PTPRM: variants seen among roughly 807,000 people sequenced by gnomAD.
The protein encoded by PTPRM is receptor-type tyrosine-protein phosphatase mu.
Under a neutral mutation model 186.7 loss-of-function variants are expected in PTPRM, and 47 were observed. That is an observed-to-expected ratio of 0.25 (90% CI 0.20 to 0.32). PTPRM has a LOEUF of 0.32. PTPRM is among the 10% of genes least tolerant of loss of function. The probability of loss-of-function intolerance (pLI) is 1.00; values close to 1 mark genes in which losing one functional copy is unlikely to be tolerated. For synonymous variants in PTPRM, 668 were observed against 674.9 expected (o/e 0.99, Z 0.16); for missense variants, 1,494 against 1,865.0 (o/e 0.80, Z 3.66).
At chr18:8,312,537 G>T (rs567063360) in intron 20 of PTPRM, among the ~76,000 whole-genome samples, 1 of 151,960 alleles carries the variant, frequency 6.6e-6, no homozygotes, top group Non-Finnish European at 1.5e-5. Context: ...TCTATCCATC[G>T]CTTCCTATAT....
At chr18:8,279,081 AATATAT>A (rs1221319350) in intron 19 of PTPRM, among the ~76,000 whole-genome samples, 2 of 151,022 alleles carry the variant, frequency 1.3e-5, no homozygotes, top group Non-Finnish European at 3.0e-5. Flanking sequence ...GTATAATACA[AATATAT>A]ATATATATAA....
chr18:8,307,474 A>G (rs1179931806), intron 20 of PTPRM, among the ~76,000 whole-genome samples: 1 of 152,214 alleles, frequency 6.6e-6, no homozygotes, highest in Non-Finnish European at 1.5e-5. Context: ...AAAATACTTC[A>G]TAAACTACAT....
At chr18:8,141,590 G>A (rs183699247) in intron 13 of PTPRM, among the ~76,000 whole-genome samples, 141 of 152,300 alleles carry the variant, frequency 9.3e-4, no homozygotes, top group Admixed American at 2.2e-3. Context: ...CACAATGTAT[G>A]CATTACATGT....
chr18:7,857,756 C>A (rs562681182), intron 2 of PTPRM, among the ~76,000 whole-genome samples: 117 of 152,266 alleles, frequency 7.7e-4, no homozygotes, highest in African/African-American at 2.7e-3. Flanking sequence ...GCTGTTTGTA[C>A]AGCCAACTTT....
chr18:8,051,345 A>G (rs1228596886), intron 7 of PTPRM, among the ~76,000 whole-genome samples: 1 of 152,252 alleles, frequency 6.6e-6, no homozygotes, highest in Non-Finnish European at 1.5e-5. Context: ...CGTAACCTAC[A>G]TAAATTGTGC....
At chr18:8,089,769 A>C (rs1226903754) in intron 11 of PTPRM, among the ~76,000 whole-genome samples, 2 of 152,176 alleles carry the variant, frequency 1.3e-5, no homozygotes, top group Non-Finnish European at 2.9e-5. Context: ...TCACTGCAGT[A>C]TCATAAGGCA....
At chr18:7,853,070 A>G (rs914825954) in intron 2 of PTPRM, among the ~76,000 whole-genome samples, 1 of 152,202 alleles carries the variant, frequency 6.6e-6, no homozygotes, top group Non-Finnish European at 1.5e-5. Context: ...CATAATCTCA[A>G]ATATGTAAAA....
At chr18:8,117,479 T>C (rs2091999877) in intron 13 of PTPRM, among the ~76,000 whole-genome samples, 1 of 152,188 alleles carries the variant, frequency 6.6e-6, no homozygotes, top group Non-Finnish European at 1.5e-5. Context: ...TAAGGGTATG[T>C]CTCTTAAAAA....
chr18:8,385,110 T>C (rs538427015), intron 30 of PTPRM, among the ~76,000 whole-genome samples: 1 of 152,274 alleles, frequency 6.6e-6, no homozygotes, highest in South Asian at 2.1e-4. Flanking sequence ...AACAGGATTC[T>C]GGCTGAAGGC....
At chr18:8,365,983 C>G (rs2095626656) in intron 23 of PTPRM, among the ~76,000 whole-genome samples, 1 of 152,166 alleles carries the variant, frequency 6.6e-6, no homozygotes, top group African/African-American at 2.4e-5. Flanking sequence ...TTCAGAATGG[C>G]CTGGGGAGAG....
chr18:8,198,844 C>T (rs1322380477), intron 14 of PTPRM, among the ~76,000 whole-genome samples: 1 of 152,120 alleles, frequency 6.6e-6, no homozygotes, highest in East Asian at 1.9e-4. Context: ...TAAATGAAAT[C>T]ACTCAGTCAT....
At chr18:7,906,686 A>G (rs1022951014) in intron 4 of PTPRM, 103 bp downstream of exon 4, 5 of 937,870 alleles carry the variant, frequency 5.3e-6, no homozygotes, top group Non-Finnish European at 8.6e-6. Context: ...TCATCTTGCC[A>G]AGACAGTTCC....
At chr18:8,139,350 C>T (rs900065482) in intron 13 of PTPRM, among the ~76,000 whole-genome samples, 1 of 152,164 alleles carries the variant, frequency 6.6e-6, no homozygotes, top group African/African-American at 2.4e-5. Flanking sequence ...TGGCATCTTG[C>T]CACCTGCACT....
At chr18:8,139,646 A>C (rs2092718396) in intron 13 of PTPRM, among the ~76,000 whole-genome samples, 1 of 151,986 alleles carries the variant, frequency 6.6e-6, no homozygotes, top group African/African-American at 2.4e-5. Flanking sequence ...TCAGTATTTC[A>C]GTCTCATTTG....
At chr18:7,611,745 A>C (rs1343810897) in intron 1 of PTPRM, among the ~76,000 whole-genome samples, 1 of 152,156 alleles carries the variant, frequency 6.6e-6, no homozygotes, top group Non-Finnish European at 1.5e-5. Context: ...TGGTCTTATG[A>C]GGGAGAGTTT....
chr18:8,144,332 G>A (rs1747364928), intron 14 of PTPRM, among the ~76,000 whole-genome samples: 1 of 152,176 alleles, frequency 6.6e-6, no homozygotes, highest in African/African-American at 2.4e-5. Context: ...CAAGTGGTGT[G>A]GCTGGGCACC....
At chr18:7,756,412 A>G (rs1326398254) in intron 1 of PTPRM, among the ~76,000 whole-genome samples, 1 of 152,126 alleles carries the variant, frequency 6.6e-6, no homozygotes, top group Non-Finnish European at 1.5e-5. Flanking sequence ...TCTGGGAGCA[A>G]ATTTTCTCGG....
chr18:7,616,610 T>C (rs2037811331), intron 1 of PTPRM, among the ~76,000 whole-genome samples: 1 of 152,174 alleles, frequency 6.6e-6, no homozygotes, highest in Non-Finnish European at 1.5e-5. Context: ...ACTGGGTCCA[T>C]TCCCCACTAC....
Position 7,974,961 on chromosome 18 carries a change from C to G in PTPRM, c.1132+19547C>G, listed in dbSNP as rs138739498. On this transcript the variant is annotated intron_variant, in intron 7 of 32. Transcript: ENST00000580170. ...TGACTGGCTTCTATCCCATGTTTAT[C>G]ATTCAGTTGGTTTAGGGTTGGATCA... is the stretch of plus-strand genomic sequence containing the variant. 5.0e-3 allele frequency among the ~76,000 whole-genome samples: 755 copies of G among 152,302 alleles called. 7 individuals carry two copies. The highest frequency in any genetic ancestry group is 0.017 in the African/African-American group (715 of 41,560).
Sources: allele counts gnomAD v4.1 joint callset (sites outside exome capture counted in the v4.1 genomes callset), GRCh38; gene constraint gnomAD v4.1.1; transcripts MANE v1.5; gene names NCBI Gene and HGNC (gene_info 2026-07-23, HGNC 2026-07-21).